The following JAK2 variants were observed in gnomAD, a reference collection of about 807,000 sequenced individuals.
The protein encoded by JAK2 is Janus kinase 2.
In JAK2, 86 loss-of-function variants were observed where a neutral mutation model predicts 139.3. The observed-to-expected ratio is 0.62, with a 90% CI of 0.52 to 0.74. JAK2 has a LOEUF of 0.74. JAK2 is among the 30% of genes least tolerant of loss of function. The pLI, the probability that JAK2 is intolerant of heterozygous loss-of-function variation, is 0.00. For missense variants in JAK2, 1,421 were observed against 1,360.3 expected (o/e 1.04, Z -0.70); for synonymous variants, 490 against 437.7 (o/e 1.12, Z -1.49).
chr9:5,051,401 G>T (rs1335343818), intron 6 of JAK2, among the ~76,000 whole-genome samples: 1 of 152,170 alleles, frequency 6.6e-6, no homozygotes, highest in South Asian at 2.1e-4. Flanking sequence ...CCAAATGGTG[G>T]TGTATATTTT....
chr9:5,123,116 C>G lies in JAK2; in HGVS notation c.3172C>G (p.Pro1058Ala). ...FTYIEKSKSP[P>A]AEFMRMIGND... The stretch of plus-strand genomic sequence containing the variant: ...ATACATTGAGAAGAGTAAAAGTCCA[C>G]CAGCGGTCAGTGTGCTTTTTATTTA... Residue 1058 changes from proline (P) to alanine (A), a missense_variant, in exon 23 of 25, where the codon CCA becomes GCA. By Grantham distance (27) the Pro-to-Ala change is conservative (BLOSUM62 -1). Coordinates refer to ENST00000381652, the MANE Select transcript of JAK2 (RefSeq NM_004972.4). 1.3e-6 allele frequency: 2 copies of G among 1,576,970 alleles called. No individual in the cohort carries two copies. Among genetic ancestry groups the G allele is most frequent in the African/African-American group, 2.7e-5 (2 of 73,550 alleles).
rs552310924 is a variant in JAK2 at position 5,096,612 on chromosome 9, T to G, written c.3059+5701T>G. On this transcript the variant is annotated intron_variant, in intron 22 of 24. Coordinates refer to ENST00000381652, the MANE Select transcript of JAK2 (RefSeq NM_004972.4). ...TGGTAAAAAGAGGTCTTGACCTCTG[T>G]CTTTAGATTTACAGTCCAATGCTTA... 18 of 152,294 alleles carry G rather than the reference T, an allele frequency of 1.2e-4. 1 individual carries two copies. The highest frequency in any genetic ancestry group is 4.1e-4 in the African/African-American group (17 of 41,560). The allele number at this position is 152,294 out of a possible 1,614,324, so 9.4% of individuals were successfully genotyped here. A position where few individuals can be genotyped will look rare whatever the true frequency, so the allele number is the denominator to read the frequency against.
intron 8 of JAK2, among the ~76,000 whole-genome samples, chr9:5,060,843 T>TA (rs1818118713): frequency 6.6e-6 from 1 of 152,214 alleles, no homozygotes. Context: ...AATCACTATC[T>TA]ATGGCAGCTT....
intron 19 of JAK2, among the ~76,000 whole-genome samples, chr9:5,086,719 G>A (rs1005944935): frequency 6.6e-6 from 1 of 152,098 alleles, no homozygotes; most frequent in African/African-American, 2.4e-5. Flanking sequence ...CTCCCTGTCT[G>A]ACTATAACTT....
intron 18 of JAK2, among the ~76,000 whole-genome samples, chr9:5,081,130 T>C (rs927462380): frequency 3.7e-4 from 56 of 151,984 alleles, no homozygotes; most frequent in African/African-American, 1.3e-3. Context: ...CTCCTGATCT[T>C]GTGATCCGCC....
chr9:5,028,827 A>G (rs1221764268), intron 3 of JAK2, among the ~76,000 whole-genome samples: 5 of 152,264 alleles, frequency 3.3e-5, no homozygotes, highest in African/African-American at 9.6e-5. Flanking sequence ...TTTGAAGACA[A>G]TTAGGGCCTT....
chr9:5,063,207 A>G (rs553438793), intron 8 of JAK2, among the ~76,000 whole-genome samples: 2 of 152,138 alleles, frequency 1.3e-5, no homozygotes, highest in South Asian at 2.1e-4. Context: ...TCGTTCTTAT[A>G]TAACTTTTTC....
intron 18 of JAK2, among the ~76,000 whole-genome samples, chr9:5,080,962 C>G (rs1441517062): frequency 7.6e-6 from 1 of 131,816 alleles, no homozygotes; most frequent in African/African-American, 2.9e-5. Flanking sequence ...GTGGCGCGAT[C>G]TCGGCTCACT....
intron 19 of JAK2, chr9:5,085,185 T>C (rs768761280): frequency 9.1e-6 from 6 of 656,632 alleles, no homozygotes; most frequent in Non-Finnish European, 1.8e-5. Flanking sequence ...AACTGAACCA[T>C]CTCATGATCA....
At chr9:5,079,498 GT>G (rs113012776) in intron 16 of JAK2, among the ~76,000 whole-genome samples, 11,316 of 145,810 alleles carry the variant, frequency 0.078, 1,271 homozygotes, top group African/African-American at 0.25. Context: ...TGGTCCTTGG[GT>G]TTTTTTTTTT....
intron 8 of JAK2, among the ~76,000 whole-genome samples, chr9:5,057,434 G>A (rs1817842441): frequency 6.6e-6 from 1 of 151,820 alleles, no homozygotes; most frequent in African/African-American, 2.4e-5. Context: ...CCATTTTTAA[G>A]TGTACAGTTT....
chr9:4,989,458 A>C (rs1414906334), intron 2 of JAK2, among the ~76,000 whole-genome samples: 2 of 152,190 alleles, frequency 1.3e-5, no homozygotes, highest in Non-Finnish European at 2.9e-5. Context: ...TTAAAAAAAA[A>C]CCACAACACA....
chr9:5,012,553 G>A (rs1190668946), intron 2 of JAK2, among the ~76,000 whole-genome samples: 1 of 152,066 alleles, frequency 6.6e-6, no homozygotes, highest in Non-Finnish European at 1.5e-5. Flanking sequence ...ATTAAGGGAG[G>A]CAACCCAGCC....
chr9:5,057,173 C>G (rs1817823579), intron 8 of JAK2, among the ~76,000 whole-genome samples: 1 of 151,840 alleles, frequency 6.6e-6, no homozygotes, highest in East Asian at 1.9e-4. Context: ...CATCATGTTT[C>G]TTGCTGAATT....
chr9:5,061,976 A>G (rs1444085289), intron 8 of JAK2, among the ~76,000 whole-genome samples: 1 of 152,204 alleles, frequency 6.6e-6, no homozygotes, highest in Non-Finnish European at 1.5e-5. Context: ...GGGAAAAAGA[A>G]AGGGAAATAG....
chr9:5,045,233 A>T (rs961108469), intron 5 of JAK2, among the ~76,000 whole-genome samples: 6 of 152,192 alleles, frequency 3.9e-5, no homozygotes, highest in African/African-American at 1.4e-4. Context: ...TGGTATCCCC[A>T]AGGTATCAGG....
chr9:5,116,301 G>C (rs956833194), intron 22 of JAK2, among the ~76,000 whole-genome samples: 5 of 152,190 alleles, frequency 3.3e-5, no homozygotes, highest in African/African-American at 4.8e-5. Context: ...TCCTAACCAT[G>C]ATAATGCTTT....
chr9:5,074,895 A>G (rs1475892235), intron 14 of JAK2, among the ~76,000 whole-genome samples: 2 of 152,200 alleles, frequency 1.3e-5, no homozygotes, highest in Non-Finnish European at 2.9e-5. Flanking sequence ...TCTTGCACTA[A>G]AAAGGCAAGT....
At chr9:5,119,441 G>A (rs1043311299) in intron 22 of JAK2, among the ~76,000 whole-genome samples, 1 of 151,768 alleles carries the variant, frequency 6.6e-6, no homozygotes. Context: ...AAAAAAAAAG[G>A]CTTCAAATTA....
Sources: gnomAD v4.1 joint callset for allele counts (sites outside exome capture counted in the v4.1 genomes callset) on GRCh38, gnomAD v4.1.1 for gene constraint, MANE v1.5 for transcripts, NCBI Gene and HGNC (gene_info 2026-07-23, HGNC 2026-07-21) for gene names.